GTSE1: variants seen among roughly 807,000 people sequenced by gnomAD.
GTSE1 encodes the protein G2 and S phase-expressed protein 1.
Under a neutral mutation model 60.5 loss-of-function variants are expected in GTSE1, and 52 were observed. The ratio of observed to expected loss-of-function variants is 0.86; its 90% CI spans 0.69 to 1.08. The LOEUF is 1.08. GTSE1 is among the 50% of genes least tolerant of loss of function. GTSE1 has a pLI of 0.00. For missense variants in GTSE1, 937 were observed against 961.8 expected (o/e 0.97, Z 0.34); for synonymous variants, 368 against 386.5 (o/e 0.95, Z 0.56).
intron 6 of GTSE1, among the ~76,000 whole-genome samples, chr22:46,315,657 T>A (rs1337202635): frequency 6.6e-6 from 1 of 152,214 alleles, no homozygotes; most frequent in East Asian, 1.9e-4. Flanking sequence ...CAATTGCGTC[T>A]TTTTTCCTTG....
rs373959629 is a variant in GTSE1, at chr22:46,316,243, C to T, written c.1263C>T (p.Pro421=). 8.1e-6 allele frequency: 13 copies of T among 1,613,708 alleles called. No individual in the cohort carries two copies. Among genetic ancestry groups the T allele is most frequent in the African/African-American group, 1.3e-5 (1 of 74,932 alleles). The change falls in exon 7 of 12, where the codon CCC becomes CCT. Residue 421 remains proline, a synonymous_variant. Transcript: ENST00000454366. The surrounding 1 kb of genome is among the most constrained non-coding windows in gnomAD (Gnocchi z 5.0). ...CCCCCTCAGCATCCCCCACCCAACCCCAGACTCCGGAAGGTGGCGGCCAGT... is the reference window on the plus strand; with the variant it reads ...CCCCCTCAGCATCCCCCACCCAACCTCAGACTCCGGAAGGTGGCGGCCAGT... The part of the protein sequence containing the change: ...TAPPSASPTQ[P]QTPEGGGQWL...
At position 46,326,667 on chromosome 22, in the gene GTSE1, G is replaced by A. The variant is rs1048684143; in HGVS notation, c.1724+13G>A. On this transcript the variant is annotated intron_variant, in intron 9 of 11. Coordinates refer to ENST00000454366, the MANE Select transcript of GTSE1 (RefSeq NM_016426.7). ...ACTCTGCAATGAGGTAAGACACGAA[G>A]GTGGTAATAAATTGGTCTCAAATTC... The A allele has an allele frequency of 6.4e-6, 10 of 1,568,164 alleles. No homozygotes were observed. In the Admixed American group the frequency reaches 8.9e-5, roughly 14 times the overall value.
intron 2 of GTSE1, among the ~76,000 whole-genome samples, chr22:46,306,541 C>T (rs189135485): frequency 1.4e-3 from 208 of 152,002 alleles, no homozygotes; most frequent in African/African-American, 4.7e-3. Flanking sequence ...AGTGCAGTGG[C>T]GCAATCTTGG....
intron 2 of GTSE1, among the ~76,000 whole-genome samples, chr22:46,303,548 A>G (rs2077700997): frequency 6.6e-6 from 1 of 152,080 alleles, no homozygotes; most frequent in Non-Finnish European, 1.5e-5. Context: ...GTGTTGCTTT[A>G]TGTGTCCAGA....
In GTSE1 at chr22:46,313,669, C is replaced by T. The variant is rs913808951; in HGVS notation, c.928-221C>T. Among the ~76,000 whole-genome samples, 13 of 152,122 alleles carry T rather than the reference C, an allele frequency of 8.5e-5. No homozygotes were observed. Among genetic ancestry groups the T allele is most frequent in the Admixed American group, 4.6e-4 (7 of 15,276 alleles). On this transcript the variant is annotated intron_variant, in intron 5 of 11. Transcript: ENST00000454366. The surrounding 1 kb of genome is among the most constrained non-coding windows in gnomAD (Gnocchi z 4.4). ...GACTACAGGTGCCTGCCACCATGCC[C>T]AGCTAGTTTTTATATTTTTAGTAGA... is the stretch of plus-strand genomic sequence containing the variant.
chr22:46,297,514 A>G lies in GTSE1; in HGVS notation c.79+35A>G. ...TGCTGCTGCGGCGCTGTTGTTGTTC[A>G]GGATGTTCAGTAGAGATGGAGGGTG... On this transcript the variant is annotated intron_variant, in intron 2 of 11. Transcript: ENST00000454366. This position sits in a 1 kb window ranked among gnomAD's most constrained non-coding sequence, Gnocchi z 4.9. The G allele has an allele frequency of 7.0e-7, 1 of 1,434,336 alleles. No homozygotes were observed. The highest frequency in any genetic ancestry group is 1.4e-5 in the African/African-American group (1 of 71,376). The allele number at this position is 1,434,336 out of a possible 1,614,324, so 88.9% of individuals were successfully genotyped here.
intron 7 of GTSE1, among the ~76,000 whole-genome samples, chr22:46,322,914 C>T (rs866548484): frequency 2.8e-4 from 42 of 152,156 alleles, no homozygotes; most frequent in African/African-American, 7.7e-4. Flanking sequence ...CAGGGTGGGG[C>T]GGCGCAGTGA....
At chr22:46,311,046 C>A (rs1001815896) in intron 4 of GTSE1, among the ~76,000 whole-genome samples, 4 of 151,224 alleles carry the variant, frequency 2.6e-5, no homozygotes, top group African/African-American at 9.8e-5. Flanking sequence ...GGGAGAACCG[C>A]TAATGGGTAC....
Position 46,319,292 on chromosome 22 carries a change from G to T in GTSE1, c.1432+2880G>T, listed in dbSNP as rs1241820129. Among the ~76,000 whole-genome samples the T allele has an allele frequency of 2.0e-5, 3 of 152,150 alleles. No individual in the cohort carries two copies. The highest frequency in any genetic ancestry group is 7.2e-5 in the African/African-American group (3 of 41,432). On this transcript the variant is annotated intron_variant, in intron 7 of 11. Coordinates refer to ENST00000454366, the MANE Select transcript of GTSE1 (RefSeq NM_016426.7). The surrounding 1 kb of genome is among the most constrained non-coding windows in gnomAD (Gnocchi z 5.0). ...AGCAGAGCGACTTGACCTTCAGAAGGTCCCTCCACAGAGGGAAGAGCAGAG... is the reference window on the plus strand; with the variant it reads ...AGCAGAGCGACTTGACCTTCAGAAGTTCCCTCCACAGAGGGAAGAGCAGAG...
chr22:46,309,110 G>T lies in GTSE1; in HGVS notation c.762+167G>T, dbSNP rs116041746. Among the ~76,000 whole-genome samples the T allele has an allele frequency of 9.7e-3, 1,479 of 152,350 alleles. 29 individuals carry two copies. The highest frequency in any genetic ancestry group is 0.034 in the African/African-American group (1,396 of 41,582). The stretch of plus-strand genomic sequence containing the variant: ...GCAGTTGCCAATAGGGAGCTGATGT[G>T]GGGGTGGCTTGGATAAGTTGGGTTG... On this transcript the variant is annotated intron_variant, in intron 4 of 11. Transcript: ENST00000454366. The surrounding 1 kb of genome is among the most constrained non-coding windows in gnomAD (Gnocchi z 6.2).
At chr22:46,323,640 C>T (rs149786929) in intron 8 of GTSE1, among the ~76,000 whole-genome samples, 1 of 152,314 alleles carries the variant, frequency 6.6e-6, no homozygotes, top group Non-Finnish European at 1.5e-5. Context: ...GTGACTGTGA[C>T]TTGTACCGCA....
chr22:46,323,183 GA>G lies in GTSE1; in HGVS notation c.1433-6del, dbSNP rs1194710482. On this transcript the variant is annotated splice_region_variant and splice_polypyrimidine_tract_variant and intron_variant, in intron 7 of 11. Coordinates refer to ENST00000454366, the MANE Select transcript of GTSE1 (RefSeq NM_016426.7). ...ACCTGACCGCACACTTCCTTTCTTGGACTTAGGTGACTCCCCGGACAGCTCA... is the reference window on the plus strand; with the variant it reads ...ACCTGACCGCACACTTCCTTTCTTGGCTTAGGTGACTCCCCGGACAGCTCA... The G allele has an allele frequency of 1.2e-6, 2 of 1,609,014 alleles. No homozygotes were observed. The highest frequency in any genetic ancestry group is 3.3e-5 in the Admixed American group (2 of 60,024).
Position 46,330,162 on chromosome 22 carries a change from G to C in GTSE1, c.*32G>C. 7.4e-7 allele frequency: 1 copy of C among 1,359,994 alleles called. No individual in the cohort carries two copies. 84.2% of individuals were successfully genotyped at this position (1,359,994 alleles called of 1,614,324 possible). ...CCAAATCCTTTGCCTTGAAAGAACA[G>C]CCCTAAAGTGGTTTTCAACCCTCAG... is the stretch of plus-strand genomic sequence containing the variant. On this transcript the variant is annotated 3_prime_UTR_variant, in exon 12 of 12. Transcript: ENST00000454366. This position sits in a 1 kb window ranked among gnomAD's most constrained non-coding sequence, Gnocchi z 6.0.
Position 46,320,719 on chromosome 22 carries a change from C to A in GTSE1, c.1433-2471C>A, listed in dbSNP as rs1438327171. Reference sequence around the variant, plus strand: ...ACTATGAGTCCATGCTGCCGGGTCACCCAGAGGATTGAGACTTGGAATTCT... The same window carrying A: ...ACTATGAGTCCATGCTGCCGGGTCAACCAGAGGATTGAGACTTGGAATTCT... On this transcript the variant is annotated intron_variant, in intron 7 of 11. Coordinates refer to ENST00000454366, the MANE Select transcript of GTSE1 (RefSeq NM_016426.7). This position sits in a 1 kb window ranked among gnomAD's most constrained non-coding sequence, Gnocchi z 7.1. Among the ~76,000 whole-genome samples the A allele has an allele frequency of 6.6e-6, 1 of 152,200 alleles. No homozygotes were observed.
At position 46,309,431 on chromosome 22, in the gene GTSE1, G is replaced by A. The variant is rs1298805167; in HGVS notation, c.762+488G>A. On this transcript the variant is annotated intron_variant, in intron 4 of 11. Coordinates refer to ENST00000454366, the MANE Select transcript of GTSE1 (RefSeq NM_016426.7). The surrounding 1 kb of genome is among the most constrained non-coding windows in gnomAD (Gnocchi z 6.2). The stretch of plus-strand genomic sequence containing the variant: ...GGTCCTGGAGGTCTGGGGGAAAGCT[G>A]GGTGTGAGCACAGGACTTGCTGCCA... Among the ~76,000 whole-genome samples the A allele has an allele frequency of 6.6e-6, 1 of 152,122 alleles. No individual in the cohort carries two copies. The highest frequency in any genetic ancestry group is 2.4e-5 in the African/African-American group (1 of 41,418).
chr22:46,328,104 G>A (rs113603397), intron 9 of GTSE1, among the ~76,000 whole-genome samples: 3,556 of 152,316 alleles, frequency 0.023, 54 homozygotes, highest in Non-Finnish European at 0.029. Flanking sequence ...CTGGGTTTCC[G>A]GAAGGAATTC....
At position 46,326,666 on chromosome 22, in the gene GTSE1, A is replaced by T; in HGVS notation, c.1724+12A>T. 6.4e-7 allele frequency: 1 copy of T among 1,568,440 alleles called. No individual in the cohort carries two copies. The highest frequency in any genetic ancestry group is 1.2e-5 in the South Asian group (1 of 86,418). On this transcript the variant is annotated intron_variant, in intron 9 of 11. Coordinates refer to ENST00000454366, the MANE Select transcript of GTSE1 (RefSeq NM_016426.7). ...AACTCTGCAATGAGGTAAGACACGA[A>T]GGTGGTAATAAATTGGTCTCAAATT...
chr22:46,322,276 G>T (rs569050803), intron 7 of GTSE1, among the ~76,000 whole-genome samples: 26 of 152,224 alleles, frequency 1.7e-4, no homozygotes, highest in Middle Eastern at 3.4e-3. Flanking sequence ...TGTCTGTGGG[G>T]GCAGCAGCCT....
chr22:46,305,518 A>G (rs2077710672), intron 2 of GTSE1, among the ~76,000 whole-genome samples: 1 of 152,076 alleles, frequency 6.6e-6, no homozygotes, highest in Non-Finnish European at 1.5e-5. Context: ...CTGAGGCAGG[A>G]AAATCGCTGG....
Sources: gnomAD v4.1 joint callset for allele counts (sites outside exome capture counted in the v4.1 genomes callset) on GRCh38, gnomAD v4.1.1 for gene constraint, Gnocchi (gnomAD v3.1) non-coding constraint, MANE v1.5 for transcripts, NCBI Gene and HGNC (gene_info 2026-07-23, HGNC 2026-07-21) for gene names.